Variants in TCERG1 observed in about 807,000 individuals in gnomAD.
TCERG1 encodes TATA box binding protein (TBP)-associated factor, RNA polymerase II, S, 150kD.
In TCERG1, 37 loss-of-function variants were observed where a neutral mutation model predicts 144.7. The observed-to-expected ratio is 0.26, with a 90% CI of 0.20 to 0.34. The LOEUF is 0.34. Ranked by LOEUF, TCERG1 falls within the 10% of genes least tolerant of loss-of-function variation. TCERG1 has a pLI of 1.00. For synonymous variants in TCERG1, 492 were observed against 458.2 expected (o/e 1.07, Z -0.94); for missense variants, 1,027 against 1,380.7 (o/e 0.74, Z 4.06).
chr5:146,453,152 G>A (rs938620152), intron 1 of TCERG1, among the ~76,000 whole-genome samples: 4 of 152,118 alleles, frequency 2.6e-5, no homozygotes, highest in Non-Finnish European at 4.4e-5. Context: ...TTACTTATTT[G>A]CTTAAATGCT....
chr5:146,470,878 T>A, intron 8 of TCERG1, 130 bp downstream of exon 8: 1 of 638,672 alleles, frequency 1.6e-6, no homozygotes, highest in Non-Finnish European at 2.5e-6. Flanking sequence ...TTTAGGATTC[T>A]TGCAAGTTCT....
At chr5:146,461,999 TATG>T (rs1763372277) in intron 4 of TCERG1, 2 of 152,618 alleles carry the variant, frequency 1.3e-5, no homozygotes, top group African/African-American at 4.8e-5. Context: ...ATTATATTAA[TATG>T]ATACTGTACC....
intron 4 of TCERG1, among the ~76,000 whole-genome samples, chr5:146,460,460 C>A (rs1213927009): frequency 1.3e-5 from 2 of 150,344 alleles, no homozygotes; most frequent in African/African-American, 4.9e-5. Flanking sequence ...TGGCACTTGT[C>A]TCAAGATACA....
intron 1 of TCERG1, among the ~76,000 whole-genome samples, chr5:146,452,407 C>T (rs1020116229): frequency 1.1e-4 from 17 of 151,994 alleles, no homozygotes; most frequent in Non-Finnish European, 1.8e-4. Flanking sequence ...ATCCTGCATA[C>T]GCTACTTGTA....
At chr5:146,486,442 AT>A (rs1765837790) in intron 15 of TCERG1, among the ~76,000 whole-genome samples, 1 of 152,224 alleles carries the variant, frequency 6.6e-6, no homozygotes, top group Non-Finnish European at 1.5e-5. Flanking sequence ...ATTGAATAAC[AT>A]TTTCCATAAA....
chr5:146,489,736 T>C (rs1015719464), intron 15 of TCERG1, among the ~76,000 whole-genome samples: 9 of 152,174 alleles, frequency 5.9e-5, no homozygotes, highest in African/African-American at 2.2e-4. Context: ...TTCATGCCTA[T>C]AAAAGTGAAC....
intron 15 of TCERG1, among the ~76,000 whole-genome samples, chr5:146,485,745 G>T (rs1398079863): frequency 6.6e-6 from 1 of 152,098 alleles, no homozygotes; most frequent in Non-Finnish European, 1.5e-5. Context: ...CCAGACTGGA[G>T]TGCAGTGGCG....
At chr5:146,487,709 G>C (rs1025245324) in intron 15 of TCERG1, among the ~76,000 whole-genome samples, 1 of 145,458 alleles carries the variant, frequency 6.9e-6, no homozygotes, top group Non-Finnish European at 1.5e-5. Context: ...TCCAGCCCAG[G>C]CAACAGAACA....
chr5:146,503,754 G>A (rs970912204), intron 18 of TCERG1, 70 bp from the exon 19 acceptor site: 4 of 1,496,844 alleles, frequency 2.7e-6, no homozygotes, highest in Non-Finnish European at 3.6e-6. Context: ...TATTTGGCAA[G>A]CTAGTTATTC....
Position 146,510,698 on chromosome 5 carries a change from T to C in TCERG1, c.*56T>C, listed in dbSNP as rs1452122572. The C allele has an allele frequency of 6.4e-7, 1 of 1,555,934 alleles. No homozygotes were observed. The highest frequency in any genetic ancestry group is 2.0e-5 in the Admixed American group (1 of 50,620). ...TCAAAATGCTTGCATGAGCCAATTTTCAGGTTTTTACATATATGTGCATTA... is the reference window on the plus strand; with the variant it reads ...TCAAAATGCTTGCATGAGCCAATTTCCAGGTTTTTACATATATGTGCATTA... On this transcript the variant is annotated 3_prime_UTR_variant, in exon 23 of 23. Transcript: ENST00000679501.
At chr5:146,503,310 G>T in intron 17 of TCERG1, 65 bp from the exon 18 acceptor site, 1 of 1,478,142 alleles carries the variant, frequency 6.8e-7, no homozygotes. Context: ...AAATATTTAA[G>T]ATATGATGAA....
rs371523482 is a variant in TCERG1, at chr5:146,482,673, T to G, written c.2019T>G (p.Ile673Met). 3 of 1,613,344 alleles carry G rather than the reference T, an allele frequency of 1.9e-6. No homozygotes were observed. Among genetic ancestry groups the G allele is most frequent in the Middle Eastern group, 3.3e-4 (2 of 6,056 alleles). Residue 673 changes from isoleucine to methionine, a missense_variant, in exon 14 of 23, where the codon ATT becomes ATG. This residue lies in a region of TCERG1 where 482 missense variants were observed against 632.6 expected (regional missense o/e 0.76). Transcript: ENST00000679501. ...AEIKAARERA[I>M]VPLEARMKQF... ...TTAAAGCTGCCCGAGAAAGGGCCAT[T>G]GTCCCTCTGGAGGCTCGAATGAAGC... is the stretch of plus-strand genomic sequence containing the variant.
Position 146,479,839 on chromosome 5 carries a change from G to A in TCERG1, c.1763-16G>A. On this transcript the variant is annotated splice_polypyrimidine_tract_variant and intron_variant, in intron 10 of 22. Coordinates refer to ENST00000679501, the MANE Select transcript of TCERG1 (RefSeq NM_001382548.1). ...TGCAAATGACTTTGTAACAATATTT[G>A]AAATGTTTTTGCCAGGGCACCCAAC... 3.7e-6 allele frequency: 6 copies of A among 1,613,098 alleles called. No individual in the cohort carries two copies. The South Asian group carries it at 5.5e-5, about 15-fold the overall frequency.
intron 15 of TCERG1, 151 bp downstream of exon 15, chr5:146,483,780 G>T: frequency 1.7e-6 from 1 of 585,590 alleles, no homozygotes; most frequent in Non-Finnish European, 2.8e-6. Flanking sequence ...GTCTGTGTGT[G>T]GACATTTCTA....
intron 17 of TCERG1, 197 bp from the exon 18 acceptor site, chr5:146,503,178 C>G (rs986914863): frequency 5.2e-6 from 2 of 380,986 alleles, no homozygotes; most frequent in African/African-American, 4.1e-5. Context: ...ATATGCTTGT[C>G]GATGTTTACA....
At chr5:146,457,048 T>G in intron 2 of TCERG1, 135 bp from the exon 3 acceptor site, 1 of 1,171,952 alleles carries the variant, frequency 8.5e-7, no homozygotes, top group Non-Finnish European at 1.2e-6. Flanking sequence ...ACATTTTGCT[T>G]CTATGACAGG....
chr5:146,477,650 G>A (rs1764962121), intron 9 of TCERG1, among the ~76,000 whole-genome samples: 1 of 149,418 alleles, frequency 6.7e-6, no homozygotes, highest in Admixed American at 6.7e-5. Flanking sequence ...AGTGCTTGTA[G>A]TGGGCTGCAG....
intron 5 of TCERG1, among the ~76,000 whole-genome samples, chr5:146,464,447 G>A (rs1763600234): frequency 6.6e-6 from 1 of 152,208 alleles, no homozygotes; most frequent in Non-Finnish European, 1.5e-5. Flanking sequence ...AGCATAATGT[G>A]CATCATTTAA....
At chr5:146,450,234 T>G (rs1201098693) in intron 1 of TCERG1, among the ~76,000 whole-genome samples, 1 of 152,188 alleles carries the variant, frequency 6.6e-6, no homozygotes, top group Non-Finnish European at 1.5e-5. Context: ...TGAGAGGGCC[T>G]GTAGAGGCCA....
Sources: gnomAD v4.1 joint callset for allele counts (sites outside exome capture counted in the v4.1 genomes callset) on GRCh38, gnomAD v4.1.1 for gene constraint, gnomAD v4.1.1 regional missense constraint, MANE v1.5 for transcripts, NCBI Gene and HGNC (gene_info 2026-07-23, HGNC 2026-07-21) for gene names.